CTNNA3: variants seen among roughly 807,000 people sequenced by gnomAD.
CTNNA3 encodes catenin alpha-3.
Under a neutral mutation model 95.7 loss-of-function variants are expected in CTNNA3, and 76 were observed. The ratio of observed to expected loss-of-function variants is 0.79; its 90% CI spans 0.66 to 0.96. The LOEUF (loss-of-function observed/expected upper bound fraction) is 0.96, where lower values mean the gene tolerates loss of function less well. Among genes scored for constraint, CTNNA3 ranks in the 40% least tolerant of loss-of-function variants. The pLI is 0.00. For missense variants in CTNNA3, 1,191 were observed against 1,089.8 expected (o/e 1.09, Z -1.31); for synonymous variants, 431 against 374.4 (o/e 1.15, Z -1.74).
chr10:66,582,945 C>G (rs1350164938), intron 10 of CTNNA3, among the ~76,000 whole-genome samples: 1 of 151,390 alleles, frequency 6.6e-6, no homozygotes, highest in Middle Eastern at 3.2e-3. Flanking sequence ...CACATTTATT[C>G]CCTTGAATTT....
intron 7 of CTNNA3, among the ~76,000 whole-genome samples, chr10:66,842,114 CT>C (rs796216792): frequency 6.7e-6 from 1 of 150,340 alleles, no homozygotes; most frequent in Non-Finnish European, 1.5e-5. Context: ...TTCTTTTTTT[CT>C]TTTTTTTTGG....
chr10:66,666,488 T>G (rs1846455144), intron 9 of CTNNA3, among the ~76,000 whole-genome samples: 2 of 152,180 alleles, frequency 1.3e-5, no homozygotes, highest in Admixed American at 1.3e-4. Flanking sequence ...TTGATCACTT[T>G]TGTCATATAA....
In CTNNA3 at chr10:66,927,715, G is replaced by C; in HGVS notation, c.1048-152191C>G. 1 of 1,614,208 alleles carries C rather than the reference G, an allele frequency of 6.2e-7. No homozygotes were observed. The highest frequency in any genetic ancestry group is 8.5e-7 in the Non-Finnish European group (1 of 1,180,048). On this transcript the variant is annotated intron_variant, in intron 7 of 17. Transcript: ENST00000433211. This position sits in a 1 kb window ranked among gnomAD's most constrained non-coding sequence, Gnocchi z 4.7. ...TGATTTATCAGGCAATGAGATCGAA[G>C]CTTTCAGTGGACCCAGTGTTTTCCA...
intron 11 of CTNNA3, among the ~76,000 whole-genome samples, chr10:66,490,633 G>A (rs1157670063): frequency 6.6e-6 from 1 of 152,110 alleles, no homozygotes; most frequent in Non-Finnish European, 1.5e-5. Context: ...TATCATTAGG[G>A]CAGTTCTCAA....
intron 7 of CTNNA3, among the ~76,000 whole-genome samples, chr10:66,924,358 C>G (rs533593927): frequency 2.0e-5 from 3 of 152,312 alleles, no homozygotes; most frequent in South Asian, 4.1e-4. Context: ...CGGTTTTCCA[C>G]AGACAGTTCA....
intron 15 of CTNNA3, among the ~76,000 whole-genome samples, chr10:66,030,721 T>C (rs1199299115): frequency 1.3e-5 from 2 of 152,072 alleles, no homozygotes; most frequent in African/African-American, 4.8e-5. Context: ...TCTAATTAAA[T>C]GAAAGAGGTT....
At chr10:65,985,040 A>G (rs2078399706) in intron 16 of CTNNA3, among the ~76,000 whole-genome samples, 1 of 151,190 alleles carries the variant, frequency 6.6e-6, no homozygotes, top group African/African-American at 2.4e-5. Flanking sequence ...CGGAAAAGAC[A>G]TATGTTCTTT....
At chr10:66,103,793 TTAGA>T (rs2081756739) in intron 13 of CTNNA3, among the ~76,000 whole-genome samples, 1 of 152,142 alleles carries the variant, frequency 6.6e-6, no homozygotes, top group African/African-American at 2.4e-5. Context: ...TGTTCTGCAG[TTAGA>T]TAGTAGGAAT....
chr10:66,616,915 C>T (rs1300569810), intron 10 of CTNNA3, among the ~76,000 whole-genome samples: 4 of 151,786 alleles, frequency 2.6e-5, no homozygotes, highest in Non-Finnish European at 5.9e-5. Flanking sequence ...TAAGACACAC[C>T]ATATTAAGAA....
chr10:67,436,292 T>A (rs1322383902), intron 5 of CTNNA3, among the ~76,000 whole-genome samples: 1 of 152,094 alleles, frequency 6.6e-6, no homozygotes, highest in Non-Finnish European at 1.5e-5. Flanking sequence ...TGAAACTGGA[T>A]CCTAATCTCT....
chr10:67,741,851 C>T (rs1366326647), intron 1 of CTNNA3, among the ~76,000 whole-genome samples: 1 of 151,052 alleles, frequency 6.6e-6, no homozygotes, highest in African/African-American at 2.4e-5. Flanking sequence ...GCAGGTGTTG[C>T]AATCCTAGTC....
chr10:66,926,841 A>C, intron 7 of CTNNA3: 2 of 1,266,720 alleles, frequency 1.6e-6, no homozygotes, highest in Non-Finnish European at 2.1e-6. Flanking sequence ...TAAAAATGAA[A>C]AATATATGCC....
At chr10:66,181,656 TACACTGAAC>T (rs2086043971) in intron 13 of CTNNA3, among the ~76,000 whole-genome samples, 1 of 152,222 alleles carries the variant, frequency 6.6e-6, no homozygotes, top group Admixed American at 6.5e-5. Context: ...AGTGGCTAAG[TACACTGAAC>T]ACACCCTGAG....
intron 13 of CTNNA3, among the ~76,000 whole-genome samples, chr10:66,237,385 G>A: frequency 6.6e-6 from 1 of 152,102 alleles, no homozygotes; most frequent in East Asian, 1.9e-4. Context: ...AATCATAATT[G>A]TTAAGATCAA....
At chr10:67,113,974 T>C (rs1186847169) in intron 7 of CTNNA3, among the ~76,000 whole-genome samples, 2 of 151,976 alleles carry the variant, frequency 1.3e-5, no homozygotes, top group Non-Finnish European at 2.9e-5. Flanking sequence ...TCCCAGCTAC[T>C]CAGGAGGCTG....
chr10:67,228,062 A>G (rs1295127808), intron 5 of CTNNA3, among the ~76,000 whole-genome samples: 1 of 152,142 alleles, frequency 6.6e-6, no homozygotes, highest in Non-Finnish European at 1.5e-5. Flanking sequence ...CTAAACACCT[A>G]CACCAAAAAG....
chr10:67,755,802 CAAAA>C (rs201336788), intron 1 of CTNNA3, among the ~76,000 whole-genome samples: 1 of 58,776 alleles, frequency 1.7e-5, no homozygotes, highest in African/African-American at 5.9e-5. Flanking sequence ...GTCTCTGCCT[CAAAA>C]AAAAAAAAAA....
chr10:67,005,691 T>TTTTGTTTGTTTGTTTG (rs1554895969), intron 7 of CTNNA3, among the ~76,000 whole-genome samples: 1 of 121,484 alleles, frequency 8.2e-6, no homozygotes, highest in African/African-American at 2.8e-5. Flanking sequence ...TCTTTTTTTT[T>TTTTGTTTGTTTGTTTG]TTTTTTTTTT....
At chr10:67,372,248 A>T (rs1477142334) in intron 5 of CTNNA3, among the ~76,000 whole-genome samples, 1 of 152,048 alleles carries the variant, frequency 6.6e-6, no homozygotes, top group Non-Finnish European at 1.5e-5. Flanking sequence ...CCCATTTGTC[A>T]ATTTTGGCTT....
Sources: gnomAD v4.1 joint callset for allele counts (sites outside exome capture counted in the v4.1 genomes callset) on GRCh38, gnomAD v4.1.1 for gene constraint, Gnocchi (gnomAD v3.1) non-coding constraint, MANE v1.5 for transcripts, NCBI Gene and HGNC (gene_info 2026-07-23, HGNC 2026-07-21) for gene names.